Variants in SH3PXD2A observed in about 807,000 individuals in gnomAD.
SH3PXD2A encodes SH3 and PX domain-containing protein 2A.
In SH3PXD2A, 32 loss-of-function variants were observed where a neutral mutation model predicts 115.2. The observed-to-expected ratio is 0.28, with a 90% CI of 0.21 to 0.37. The LOEUF (loss-of-function observed/expected upper bound fraction) is 0.37, where lower values mean the gene tolerates loss of function less well. Among genes scored for constraint, SH3PXD2A ranks in the 10% least tolerant of loss-of-function variants. SH3PXD2A has a pLI of 1.00. For missense variants in SH3PXD2A, 1,328 were observed against 1,498.7 expected, an observed-to-expected ratio of 0.89 and a Z score of 1.88; for synonymous variants, 610 against 629.1, an observed-to-expected ratio of 0.97 and a Z score of 0.45.
chr10:103,724,383 G>A, intron 4 of SH3PXD2A, 22 bp from the exon 5 acceptor site: 1 of 1,462,522 alleles, frequency 6.8e-7, no homozygotes, highest in South Asian at 1.2e-5. Context: ...CAGGAAGAAA[G>A]GGCATTAGGT....
At position 103,601,445 on chromosome 10, in the gene SH3PXD2A, T is replaced by G; in HGVS notation, c.*371A>C. 5.7e-6 allele frequency: 1 copy of G among 175,612 alleles called. No individual in the cohort carries two copies. Among genetic ancestry groups the G allele is most frequent in the Non-Finnish European group, 1.2e-5 (1 of 82,200 alleles). 10.9% of individuals were successfully genotyped at this position (175,612 alleles called of 1,614,324 possible). A position where few individuals can be genotyped will look rare whatever the true frequency, so the allele number is the denominator to read the frequency against. On this transcript the variant is annotated 3_prime_UTR_variant, in exon 15 of 15. Transcript: ENST00000369774. ...AGGACACTGGAGGCCCCCATGACCT[T>G]GTCTTTTCCAGATCTGTAGCAAAGG...
intron 8 of SH3PXD2A, among the ~76,000 whole-genome samples, chr10:103,642,060 A>G (rs2036963377): frequency 6.6e-6 from 1 of 152,110 alleles, no homozygotes; most frequent in African/African-American, 2.4e-5. Context: ...TGTACTTAAT[A>G]CCCCCAATGA....
At chr10:103,626,800 G>A (rs2036703445) in intron 9 of SH3PXD2A, among the ~76,000 whole-genome samples, 1 of 151,790 alleles carries the variant, frequency 6.6e-6, no homozygotes, top group African/African-American at 2.4e-5. Context: ...AAGAAAAAGG[G>A]GGGTGGGTGG....
chr10:103,783,438 C>T (rs780843584), intron 2 of SH3PXD2A, among the ~76,000 whole-genome samples: 1 of 93,038 alleles, frequency 1.1e-5, no homozygotes, highest in Non-Finnish European at 2.4e-5. Context: ...AGGGCAGATC[C>T]GGGCTGTCTC....
chr10:103,641,123 A>C (rs181776968), intron 8 of SH3PXD2A, among the ~76,000 whole-genome samples: 221 of 152,380 alleles, frequency 1.5e-3, no homozygotes, highest in Admixed American at 2.2e-3. Context: ...TGGTAATGAC[A>C]GCTCAAATCT....
chr10:103,832,302 T>C (rs2039489633), intron 1 of SH3PXD2A, among the ~76,000 whole-genome samples: 1 of 151,214 alleles, frequency 6.6e-6, no homozygotes, highest in Non-Finnish European at 1.5e-5. Context: ...TGTCTTCTCA[T>C]GTGCACTTGG....
chr10:103,755,123 T>A (rs1018255639), intron 3 of SH3PXD2A: 12 of 152,156 alleles, frequency 7.9e-5, no homozygotes, highest in African/African-American at 2.9e-4. Context: ...CAGCAATCCT[T>A]AAAACACACA....
At chr10:103,847,299 G>A (rs1157384866) in intron 1 of SH3PXD2A, among the ~76,000 whole-genome samples, 3 of 151,726 alleles carry the variant, frequency 2.0e-5, no homozygotes, top group African/African-American at 4.8e-5. Context: ...TGTTCATCAC[G>A]ATGCCTAGCT....
At chr10:103,729,760 G>A (rs1189194624) in intron 4 of SH3PXD2A, among the ~76,000 whole-genome samples, 10 of 152,310 alleles carry the variant, frequency 6.6e-5, no homozygotes, top group African/African-American at 2.2e-4. Context: ...CGCGGGGACT[G>A]GTAATGAGGT....
rs1392879324 is a variant in SH3PXD2A, at chr10:103,596,827, G to GGCACAGTCCCATTCCAGGCACAGA, written c.*4965_*4988dup. The GGCACAGTCCCATTCCAGGCACAGA allele has an allele frequency of 6.6e-6, 1 of 152,448 alleles. No individual in the cohort carries two copies. The highest frequency in any genetic ancestry group is 1.5e-5 in the Non-Finnish European group (1 of 68,026). The allele number at this position is 152,448 out of a possible 1,614,324, so 9.4% of individuals were successfully genotyped here. On this transcript the variant is annotated 3_prime_UTR_variant, in exon 15 of 15. Coordinates refer to ENST00000369774, the MANE Select transcript of SH3PXD2A (RefSeq NM_001394015.1). The stretch of plus-strand genomic sequence containing the variant: ...TACGCCAAGGGAGAGACCCGCACAG[G>GGCACAGTCCCATTCCAGGCACAGA]GCACAGTCCCATTCCAGGCACAGAG...
chr10:103,827,991 C>CCCTGTAAT (rs2039447128), intron 1 of SH3PXD2A, among the ~76,000 whole-genome samples: 1 of 152,202 alleles, frequency 6.6e-6, no homozygotes, highest in Non-Finnish European at 1.5e-5. Context: ...TGGCCTGGTT[C>CCCTGTAAT]CCTGTGCAGA....
intron 6 of SH3PXD2A, among the ~76,000 whole-genome samples, chr10:103,685,431 C>A (rs113396874): frequency 1.3e-5 from 2 of 150,314 alleles, no homozygotes; most frequent in Non-Finnish European, 2.9e-5. Flanking sequence ...TAAAATGGGA[C>A]AAGACCACCT....
intron 7 of SH3PXD2A, 128 bp from the exon 8 acceptor site, chr10:103,661,242 G>A (rs1056878553): frequency 2.9e-5 from 32 of 1,119,392 alleles, no homozygotes; most frequent in Non-Finnish European, 3.8e-5. Flanking sequence ...GGGGCAGCCC[G>A]CAGCCGGGGC....
intron 3 of SH3PXD2A, among the ~76,000 whole-genome samples, chr10:103,739,561 G>C (rs1014029482): frequency 7.2e-5 from 11 of 152,104 alleles, no homozygotes; most frequent in East Asian, 1.9e-4. Flanking sequence ...CGTATAAAAA[G>C]GGGGAGAGAA....
At chr10:103,762,586 T>C (rs1471430010) in intron 3 of SH3PXD2A, among the ~76,000 whole-genome samples, 1 of 152,186 alleles carries the variant, frequency 6.6e-6, no homozygotes, top group Non-Finnish European at 1.5e-5. Flanking sequence ...ATGAAACGTC[T>C]GGGTTTTCTT....
At chr10:103,705,816 T>C (rs1028600728) in intron 5 of SH3PXD2A, among the ~76,000 whole-genome samples, 1 of 152,020 alleles carries the variant, frequency 6.6e-6, no homozygotes, top group African/African-American at 2.4e-5. Flanking sequence ...CTGGCCAACA[T>C]GGTGAAACCC....
At chr10:103,834,632 C>T (rs1335838307) in intron 1 of SH3PXD2A, among the ~76,000 whole-genome samples, 2 of 152,240 alleles carry the variant, frequency 1.3e-5, no homozygotes, top group African/African-American at 4.8e-5. Flanking sequence ...CGGCATGGGC[C>T]ACCACTCAGG....
chr10:103,784,420 A>C lies in SH3PXD2A; in HGVS notation c.153+16862T>G, dbSNP rs2038961349. On this transcript the variant is annotated intron_variant, in intron 2 of 14. Coordinates refer to ENST00000369774, the MANE Select transcript of SH3PXD2A (RefSeq NM_001394015.1). This position sits in a 1 kb window ranked among gnomAD's most constrained non-coding sequence, Gnocchi z 4.4. ...TACACGCAGACCCAAGGCAGGAGGA[A>C]GGGAATGTAGCATTGACCAGACACC... Among the ~76,000 whole-genome samples, 1 of 152,204 alleles carries C rather than the reference A, an allele frequency of 6.6e-6. No individual in the cohort carries two copies. The highest frequency in any genetic ancestry group is 2.4e-5 in the African/African-American group (1 of 41,452).
At chr10:103,829,406 G>T (rs1209844566) in intron 1 of SH3PXD2A, among the ~76,000 whole-genome samples, 2 of 152,148 alleles carry the variant, frequency 1.3e-5, no homozygotes, top group Non-Finnish European at 2.9e-5. Flanking sequence ...AGCAATAAAG[G>T]CGACTAAAAT....
Sources: gnomAD v4.1 joint callset for allele counts (sites outside exome capture counted in the v4.1 genomes callset) on GRCh38, gnomAD v4.1.1 for gene constraint, Gnocchi (gnomAD v3.1) non-coding constraint, MANE v1.5 for transcripts, NCBI Gene and HGNC (gene_info 2026-07-23, HGNC 2026-07-21) for gene names.